TBC1D22A: variants seen among roughly 807,000 people sequenced by gnomAD.
TBC1D22A encodes putative GTPase activator.
In TBC1D22A, 38 loss-of-function variants were observed where a neutral mutation model predicts 60.2. The ratio of observed to expected loss-of-function variants is 0.63; its 90% confidence interval spans 0.49 to 0.83. TBC1D22A has a LOEUF of 0.83. Ranked by LOEUF, TBC1D22A falls within the 40% of genes least tolerant of loss-of-function variation. The pLI is 0.00. For synonymous variants in TBC1D22A, 302 were observed against 281.7 expected (o/e 1.07, Z -0.72); for missense variants, 628 against 701.0 (o/e 0.90, Z 1.18).
intron 11 of TBC1D22A, among the ~76,000 whole-genome samples, chr22:47,075,798 A>G (rs950753627): frequency 2.0e-5 from 3 of 147,150 alleles, no homozygotes; most frequent in Admixed American, 2.0e-4. Flanking sequence ...TTCATGATTG[A>G]CACACACACA....
At chr22:46,836,052 C>T (rs1050368486) in intron 4 of TBC1D22A, among the ~76,000 whole-genome samples, 3 of 152,102 alleles carry the variant, frequency 2.0e-5, no homozygotes. Context: ...ACTGCTAGAC[C>T]TGCTTTAAAA....
At chr22:46,853,592 G>C (rs533827497) in intron 4 of TBC1D22A, among the ~76,000 whole-genome samples, 2 of 152,200 alleles carry the variant, frequency 1.3e-5, no homozygotes, top group African/African-American at 4.8e-5. Context: ...TTAAAGTGCT[G>C]TTTCCCTTAA....
chr22:46,793,953 G>A lies in TBC1D22A; in HGVS notation c.460+112G>A, dbSNP rs59969066. On this transcript the variant is annotated intron_variant, in intron 3 of 12. Transcript: ENST00000337137. Reference sequence around the variant, plus strand: ...GGGTTCCCATCCTCATTTGCAGCAGGCCCCCTGGCCCACGAGAGCCCTTAT... The same window carrying A: ...GGGTTCCCATCCTCATTTGCAGCAGACCCCCTGGCCCACGAGAGCCCTTAT... The A allele has an allele frequency of 2.6e-4, 270 of 1,044,582 alleles. No individual in the cohort carries two copies. In the African/African-American group the frequency reaches 4.0e-3, roughly 15 times the overall value. 64.7% of individuals were successfully genotyped at this position (1,044,582 alleles called of 1,614,324 possible).
At chr22:47,034,392 AG>A (rs2062586361) in intron 10 of TBC1D22A, among the ~76,000 whole-genome samples, 1 of 152,138 alleles carries the variant, frequency 6.6e-6, no homozygotes, top group African/African-American at 2.4e-5. Context: ...TCTTCTCTAG[AG>A]TCTCTGACAT....
intron 8 of TBC1D22A, among the ~76,000 whole-genome samples, chr22:46,942,025 A>G (rs201382762): frequency 2.4e-4 from 28 of 114,456 alleles, no homozygotes; most frequent in Non-Finnish European, 5.2e-4. Context: ...ATATATATAT[A>G]TTATATATAT....
At chr22:46,915,666 T>TCTC (rs1311243178) in intron 8 of TBC1D22A, 1 of 456,578 alleles carries the variant, frequency 2.2e-6, no homozygotes, top group East Asian at 6.9e-5. Flanking sequence ...GTGTGGGATT[T>TCTC]CTCCAGGGGC....
intron 11 of TBC1D22A, among the ~76,000 whole-genome samples, chr22:47,106,054 A>G (rs191226643): frequency 8.9e-4 from 136 of 152,364 alleles, no homozygotes; most frequent in Non-Finnish European, 6.6e-4. Flanking sequence ...AATGTAATAG[A>G]TAAGTGAAAC....
intron 8 of TBC1D22A, among the ~76,000 whole-genome samples, chr22:46,926,715 A>G (rs1390727776): frequency 2.0e-5 from 3 of 152,336 alleles, no homozygotes; most frequent in Admixed American, 2.0e-4. Context: ...TTCTTGAAGA[A>G]GTAGGAATTC....
intron 4 of TBC1D22A, among the ~76,000 whole-genome samples, chr22:46,832,157 T>C (rs1310602286): frequency 1.3e-5 from 2 of 152,184 alleles, no homozygotes; most frequent in Non-Finnish European, 2.9e-5. Flanking sequence ...TTTGCCCTTG[T>C]ATCTGAGAGA....
At chr22:46,848,865 G>T (rs901761057) in intron 4 of TBC1D22A, among the ~76,000 whole-genome samples, 1 of 150,824 alleles carries the variant, frequency 6.6e-6, no homozygotes, top group Non-Finnish European at 1.5e-5. Flanking sequence ...CACCGTAATA[G>T]CACCTCACTG....
chr22:46,924,372 TG>T (rs2070926093), intron 8 of TBC1D22A, among the ~76,000 whole-genome samples: 1 of 152,224 alleles, frequency 6.6e-6, no homozygotes, highest in South Asian at 2.1e-4. Flanking sequence ...CTAATTGACT[TG>T]ATTTTCTATG....
At chr22:47,010,926 A>T (rs1413241784) in intron 10 of TBC1D22A, among the ~76,000 whole-genome samples, 1 of 152,128 alleles carries the variant, frequency 6.6e-6, no homozygotes, top group African/African-American at 2.4e-5. Context: ...TCGGTCCCTG[A>T]CTCTGGCCTT....
chr22:47,096,288 T>C (rs1288622657), intron 11 of TBC1D22A, among the ~76,000 whole-genome samples: 1 of 152,168 alleles, frequency 6.6e-6, no homozygotes, highest in Non-Finnish European at 1.5e-5. Flanking sequence ...CTTGCCCATC[T>C]GGAAACTAGG....
At chr22:47,149,942 A>G (rs1041394230) in intron 12 of TBC1D22A, among the ~76,000 whole-genome samples, 4 of 152,050 alleles carry the variant, frequency 2.6e-5, no homozygotes, top group Admixed American at 2.6e-4. Context: ...GAACCCCTTC[A>G]GAGAGGAGGG....
At chr22:46,883,773 C>T (rs1361745416) in intron 5 of TBC1D22A, among the ~76,000 whole-genome samples, 1 of 152,220 alleles carries the variant, frequency 6.6e-6, no homozygotes. Context: ...CTGCACACAG[C>T]TTCACACCCA....
chr22:46,909,213 A>C (rs2069713087), intron 7 of TBC1D22A, among the ~76,000 whole-genome samples: 1 of 151,988 alleles, frequency 6.6e-6, no homozygotes, highest in Non-Finnish European at 1.5e-5. Flanking sequence ...GTGTGCGTGC[A>C]TGTGTGAGAC....
rs188713246 is a variant in TBC1D22A at position 46,992,994 on chromosome 22, T to G, written c.1126-4640T>G. 8.7e-4 allele frequency among the ~76,000 whole-genome samples: 133 copies of G among 152,192 alleles called. 1 individual carries two copies. The highest frequency in any genetic ancestry group is 3.1e-3 in the African/African-American group (127 of 41,514). ...ATGTGGGGAAGACACTATGTTACGG[T>G]GAAATTAGCCTGGAAAGAAGAGGCT... On this transcript the variant is annotated intron_variant, in intron 9 of 12. Transcript: ENST00000337137.
intron 8 of TBC1D22A, among the ~76,000 whole-genome samples, chr22:46,919,040 A>T (rs1339387641): frequency 6.6e-6 from 1 of 152,198 alleles, no homozygotes; most frequent in East Asian, 1.9e-4. Flanking sequence ...CTTAGAGTGT[A>T]AAGTTGAAAG....
At chr22:47,053,629 C>T (rs2063298621) in intron 11 of TBC1D22A, among the ~76,000 whole-genome samples, 1 of 152,216 alleles carries the variant, frequency 6.6e-6, no homozygotes. Context: ...CTGTGCACAG[C>T]AGGAGGTTGA....
Sources: gnomAD v4.1 joint callset for allele counts (sites outside exome capture counted in the v4.1 genomes callset) on GRCh38, gnomAD v4.1.1 for gene constraint, MANE v1.5 for transcripts, NCBI Gene and HGNC (gene_info 2026-07-23, HGNC 2026-07-21) for gene names.